GRK5: variants seen among roughly 807,000 people sequenced by gnomAD.
The protein encoded by GRK5 is g protein-coupled receptor kinase GRK5.
A neutral mutation model predicts 78.4 loss-of-function variants in GRK5; 40 were observed. The ratio of observed to expected loss-of-function variants is 0.51; its 90% confidence interval spans 0.40 to 0.66. The LOEUF (loss-of-function observed/expected upper bound fraction) is 0.66. GRK5 is among the 30% of genes least tolerant of loss of function. The pLI is 0.00. For synonymous variants in GRK5, 289 were observed against 296.8 expected (o/e 0.97, Z 0.27); for missense variants, 598 against 759.9 (o/e 0.79, Z 2.50).
At chr10:119,313,053 A>ATGATGATGGTGGTGG (rs1564887039) in intron 1 of GRK5, among the ~76,000 whole-genome samples, 2 of 9,980 alleles carry the variant, frequency 2.0e-4, no homozygotes, top group Non-Finnish European at 4.5e-4. Context: ...GGTGGTGGTA[A>ATGATGATGGTGGTGG]TGATGATGGT....
rs978722194 is a variant in GRK5 at position 119,397,293 on chromosome 10, G to A, written c.339+521G>A. 3.1e-4 allele frequency among the ~76,000 whole-genome samples: 47 copies of A among 152,230 alleles called. 1 individual carries two copies. Among genetic ancestry groups the A allele is most frequent in the Admixed American group, 3.9e-4 (6 of 15,290 alleles). On this transcript the variant is annotated intron_variant, in intron 4 of 15. Coordinates refer to ENST00000392870, the MANE Select transcript of GRK5 (RefSeq NM_005308.3). Reference sequence around the variant, plus strand: ...CCACCTCGGGGCCACCCACTGGATAGTTGAAGCATCGGGGTACCATTGTCC... The same window carrying A: ...CCACCTCGGGGCCACCCACTGGATAATTGAAGCATCGGGGTACCATTGTCC...
chr10:119,357,593 C>T (rs555319174), intron 2 of GRK5, among the ~76,000 whole-genome samples: 2 of 152,290 alleles, frequency 1.3e-5, no homozygotes, highest in East Asian at 3.9e-4. Context: ...CAGAGGCCTG[C>T]ATCCAGGTGC....
At chr10:119,425,842 T>C (rs1348130583) in intron 6 of GRK5, among the ~76,000 whole-genome samples, 1 of 152,258 alleles carries the variant, frequency 6.6e-6, no homozygotes, top group Non-Finnish European at 1.5e-5. Flanking sequence ...GATGTGTCCC[T>C]CTGTGACAGA....
chr10:119,450,094 G>T (rs531422868), intron 13 of GRK5, among the ~76,000 whole-genome samples: 1 of 152,302 alleles, frequency 6.6e-6, no homozygotes, highest in South Asian at 2.1e-4. Flanking sequence ...AGTGCCAAGG[G>T]CTTTGGGAGT....
At chr10:119,373,499 C>T (rs1851578887) in intron 2 of GRK5, among the ~76,000 whole-genome samples, 1 of 152,196 alleles carries the variant, frequency 6.6e-6, no homozygotes, top group South Asian at 2.1e-4. Flanking sequence ...TTGCCTGCCA[C>T]CATGTAAGAC....
intron 6 of GRK5, among the ~76,000 whole-genome samples, chr10:119,429,024 G>A (rs939855951): frequency 4.6e-5 from 7 of 152,228 alleles, no homozygotes; most frequent in African/African-American, 1.7e-4. Flanking sequence ...TGTAGGGAAG[G>A]CTTCCCAGGG....
chr10:119,416,371 G>T (rs1852452790), intron 4 of GRK5, among the ~76,000 whole-genome samples: 1 of 152,352 alleles, frequency 6.6e-6, no homozygotes, highest in East Asian at 1.9e-4. Flanking sequence ...CCAGGAGGGG[G>T]TCAGCCTCAA....
chr10:119,360,750 C>T (rs1416085442), intron 2 of GRK5, among the ~76,000 whole-genome samples: 1 of 152,212 alleles, frequency 6.6e-6, no homozygotes, highest in African/African-American at 2.4e-5. Context: ...CTTCCTCCCT[C>T]CTCCCTCCTC....
chr10:119,415,128 G>T (rs1028979803), intron 4 of GRK5, among the ~76,000 whole-genome samples: 1 of 151,254 alleles, frequency 6.6e-6, no homozygotes, highest in Non-Finnish European at 1.5e-5. Context: ...AAATGGCAGT[G>T]ATGGCAGTGA....
At chr10:119,435,929 C>G (rs1394626773) in intron 8 of GRK5, among the ~76,000 whole-genome samples, 1 of 152,186 alleles carries the variant, frequency 6.6e-6, no homozygotes, top group Non-Finnish European at 1.5e-5. Context: ...AGGTGAAAGG[C>G]ACTTCTTACA....
intron 1 of GRK5, among the ~76,000 whole-genome samples, chr10:119,228,162 C>T (rs969870044): frequency 1.3e-5 from 2 of 151,656 alleles, no homozygotes. Context: ...GGTGAAACCC[C>T]ATCTCTACAA....
At chr10:119,370,531 C>T (rs1339940773) in intron 2 of GRK5, among the ~76,000 whole-genome samples, 1 of 152,192 alleles carries the variant, frequency 6.6e-6, no homozygotes, top group African/African-American at 2.4e-5. Flanking sequence ...GAAGGCCACT[C>T]AGCTGTTGCT....
rs1053544233 is a variant in GRK5, at chr10:119,456,791, A to G, written c.*1724A>G. ...TGGATGACGCAGGCAGCATTGGAGC[A>G]TGAGCCGTGGGGAGGACAGTCGTGA... On this transcript the variant is annotated 3_prime_UTR_variant, in exon 16 of 16. Transcript: ENST00000392870. The surrounding 1 kb of genome is among the most constrained non-coding windows in gnomAD (Gnocchi z 5.5). 1 of 152,308 alleles carries G rather than the reference A, an allele frequency of 6.6e-6. No homozygotes were observed. The highest frequency in any genetic ancestry group is 6.5e-5 in the Admixed American group (1 of 15,290). The allele number at this position is 152,308 out of a possible 1,614,324, so 9.4% of individuals were successfully genotyped here.
At chr10:119,209,455 G>A (rs1848444818) in intron 1 of GRK5, among the ~76,000 whole-genome samples, 2 of 142,896 alleles carry the variant, frequency 1.4e-5, no homozygotes, top group South Asian at 2.2e-4. Context: ...GTGACTTCAG[G>A]TTCTAAGGCC....
intron 6 of GRK5, among the ~76,000 whole-genome samples, chr10:119,427,291 C>CGCCATCAGCAGCATCACT (rs1564930856): frequency 2.7e-5 from 4 of 150,072 alleles, no homozygotes; most frequent in African/African-American, 1.0e-4. Context: ...TCAGCATCAT[C>CGCCATCAGCAGCATCACT]GCCATCAACA....
Position 119,452,398 on chromosome 10 carries a change from A to AG in GRK5, c.1405-272dup. On this transcript the variant is annotated intron_variant, in intron 13 of 15. Coordinates refer to ENST00000392870, the MANE Select transcript of GRK5 (RefSeq NM_005308.3). This position sits in a 1 kb window ranked among gnomAD's most constrained non-coding sequence, Gnocchi z 4.4. ...AGCCAGGGTCCCCGTCATGGATCTG[A>AG]GAGAGGGCTGCACTGTCATCTGGAG... 1 of 419,442 alleles carries AG rather than the reference A, an allele frequency of 2.4e-6. No homozygotes were observed. The highest frequency in any genetic ancestry group is 3.5e-5 in the South Asian group (1 of 28,896). The allele number at this position is 419,442 out of a possible 1,614,324, so 26.0% of individuals were successfully genotyped here.
At chr10:119,311,884 G>C (rs1375642884) in intron 1 of GRK5, among the ~76,000 whole-genome samples, 1 of 150,284 alleles carries the variant, frequency 6.7e-6, no homozygotes, top group Non-Finnish European at 1.5e-5. Context: ...GCTCAACACT[G>C]TGAGTGTACT....
chr10:119,277,144 A>G (rs1170444500), intron 1 of GRK5, among the ~76,000 whole-genome samples: 1 of 152,158 alleles, frequency 6.6e-6, no homozygotes. Flanking sequence ...ATGGATCCAG[A>G]AGGTTGGCTG....
chr10:119,336,260 G>T lies in GRK5; in HGVS notation c.148+9649G>T. 1 of 152,258 alleles carries T rather than the reference G, an allele frequency of 6.6e-6. No homozygotes were observed. The highest frequency in any genetic ancestry group is 1.5e-5 in the Non-Finnish European group (1 of 68,114). The allele number at this position is 152,258 out of a possible 1,614,324, so 9.4% of individuals were successfully genotyped here. A position where few individuals can be genotyped will look rare whatever the true frequency, so the allele number is the denominator to read the frequency against. ...TCCTCAGCCTTCCTTCCTCCCCACG[G>T]CTCCACAGTTTGCCCAGGGAAGCTG... On this transcript the variant is annotated intron_variant, in intron 2 of 15. Coordinates refer to ENST00000392870, the MANE Select transcript of GRK5 (RefSeq NM_005308.3). This position sits in a 1 kb window ranked among gnomAD's most constrained non-coding sequence, Gnocchi z 4.5.
Sources: gnomAD v4.1 joint callset for allele counts (sites outside exome capture counted in the v4.1 genomes callset) on GRCh38, gnomAD v4.1.1 for gene constraint, Gnocchi (gnomAD v3.1) non-coding constraint, MANE v1.5 for transcripts, NCBI Gene and HGNC (gene_info 2026-07-23, HGNC 2026-07-21) for gene names.